Variants in ARHGAP10 observed in about 807,000 individuals in gnomAD.
ARHGAP10 encodes Rho GTPase activating protein 10, also known as rho GTPase-activating protein 10.
Under a neutral mutation model 108.6 loss-of-function variants are expected in ARHGAP10, and 87 were observed. The ratio of observed to expected loss-of-function variants is 0.80; its 90% CI spans 0.67 to 0.96. ARHGAP10 has a LOEUF of 0.96. ARHGAP10 is among the 40% of genes least tolerant of loss of function. The probability of loss-of-function intolerance (pLI) is 0.00; values close to 1 mark genes in which losing one functional copy is unlikely to be tolerated. For synonymous variants in ARHGAP10, 347 were observed against 341.1 expected (o/e 1.02, Z -0.19); for missense variants, 939 against 954.5 (o/e 0.98, Z 0.21).
intron 1 of ARHGAP10, among the ~76,000 whole-genome samples, chr4:147,785,165 A>C: frequency 6.6e-6 from 1 of 150,724 alleles, no homozygotes; most frequent in Non-Finnish European, 1.5e-5. Context: ...TTTCATTAGT[A>C]CTTAACATTG....
At chr4:147,857,411 A>G (rs1734137477) in intron 4 of ARHGAP10, 142 bp from the exon 5 acceptor site, 5 of 782,394 alleles carry the variant, frequency 6.4e-6, no homozygotes, top group Non-Finnish European at 8.9e-6. Flanking sequence ...TGGTACAGAT[A>G]TGTTTTTTTA....
intron 1 of ARHGAP10, among the ~76,000 whole-genome samples, chr4:147,765,145 A>AG (rs776582184): frequency 2.6e-5 from 4 of 152,198 alleles, no homozygotes; most frequent in Admixed American, 1.3e-4. Flanking sequence ...GGGGAAATCT[A>AG]GGAGTCCACG....
intron 15 of ARHGAP10, among the ~76,000 whole-genome samples, chr4:147,952,137 C>T (rs1022275726): frequency 4.6e-5 from 7 of 152,182 alleles, no homozygotes; most frequent in African/African-American, 1.4e-4. Context: ...GATACACCAG[C>T]ATTTTAAAAA....
At chr4:147,963,134 A>G (rs1363142592) in intron 16 of ARHGAP10, among the ~76,000 whole-genome samples, 1 of 152,242 alleles carries the variant, frequency 6.6e-6, no homozygotes, top group East Asian at 1.9e-4. Context: ...TTAGAAGCCA[A>G]CAGTGAGACA....
At chr4:148,042,889 T>C (rs1728694401) in intron 19 of ARHGAP10, among the ~76,000 whole-genome samples, 1 of 152,100 alleles carries the variant, frequency 6.6e-6, no homozygotes, top group African/African-American at 2.4e-5. Context: ...TGTAAGAATA[T>C]GTTGGGGTCT....
At chr4:147,825,310 TG>T (rs925577408) in intron 3 of ARHGAP10, among the ~76,000 whole-genome samples, 7 of 151,612 alleles carry the variant, frequency 4.6e-5, no homozygotes, top group African/African-American at 1.7e-4. Flanking sequence ...ATTAGCTGGG[TG>T]TTGTGGGCAC....
chr4:147,886,669 G>A (rs147057515), intron 10 of ARHGAP10, among the ~76,000 whole-genome samples: 55 of 152,286 alleles, frequency 3.6e-4, no homozygotes, highest in African/African-American at 1.2e-3. Context: ...TCTTTCTAGA[G>A]AAGCAATTTC....
intron 1 of ARHGAP10, among the ~76,000 whole-genome samples, chr4:147,818,256 C>T (rs2126780870): frequency 6.6e-6 from 1 of 151,140 alleles, no homozygotes; most frequent in South Asian, 2.1e-4. Context: ...TAGCGTAGAG[C>T]AGGCGCTCAA....
intron 18 of ARHGAP10, among the ~76,000 whole-genome samples, chr4:147,980,664 A>G (rs971111629): frequency 6.6e-6 from 1 of 152,082 alleles, no homozygotes; most frequent in Non-Finnish European, 1.5e-5. Flanking sequence ...CATCTCGTCC[A>G]GGGCTTTTCT....
intron 20 of ARHGAP10, among the ~76,000 whole-genome samples, chr4:148,061,445 C>T (rs1271138883): frequency 6.6e-6 from 1 of 151,830 alleles, no homozygotes; most frequent in Non-Finnish European, 1.5e-5. Flanking sequence ...AGTAAGACAA[C>T]ATTCAGCGTT....
intron 1 of ARHGAP10, among the ~76,000 whole-genome samples, chr4:147,781,878 G>T (rs985640185): frequency 6.6e-6 from 1 of 151,946 alleles, no homozygotes; most frequent in African/African-American, 2.4e-5. Flanking sequence ...AGTCAGATTT[G>T]TATAATTCTT....
intron 1 of ARHGAP10, among the ~76,000 whole-genome samples, chr4:147,773,351 G>A (rs1286506123): frequency 1.3e-5 from 2 of 152,040 alleles, no homozygotes; most frequent in Admixed American, 6.6e-5. Flanking sequence ...TATGCCTCAC[G>A]GGAAGAGACA....
chr4:147,855,563 C>A (rs1734051597), intron 4 of ARHGAP10, among the ~76,000 whole-genome samples: 1 of 151,992 alleles, frequency 6.6e-6, no homozygotes, highest in Non-Finnish European at 1.5e-5. Flanking sequence ...TTTTTGGTTC[C>A]ATTTCTACAC....
At chr4:147,860,904 A>C (rs1362157814) in intron 5 of ARHGAP10, 1 of 152,258 alleles carries the variant, frequency 6.6e-6, no homozygotes, top group Admixed American at 6.5e-5. Context: ...GGCTGAAGGA[A>C]ATCATTTTGT....
At chr4:147,987,878 G>A (rs1740102522) in intron 18 of ARHGAP10, among the ~76,000 whole-genome samples, 1 of 152,168 alleles carries the variant, frequency 6.6e-6, no homozygotes, top group Admixed American at 6.5e-5. Flanking sequence ...CTAATCCAAG[G>A]CAGTCTTGAG....
intron 7 of ARHGAP10, 70 bp from the exon 8 acceptor site, chr4:147,874,951 A>G: frequency 7.2e-7 from 1 of 1,398,246 alleles, no homozygotes; most frequent in Non-Finnish European, 9.4e-7. Flanking sequence ...TTATGCAGAG[A>G]CTTTAAAATG....
intron 4 of ARHGAP10, among the ~76,000 whole-genome samples, chr4:147,850,234 T>C (rs1054399725): frequency 6.6e-6 from 1 of 152,154 alleles, no homozygotes; most frequent in African/African-American, 2.4e-5. Flanking sequence ...TAAAATGGAT[T>C]AATCAGCGCT....
Position 147,805,892 on chromosome 4 carries a change from T to C in ARHGAP10, c.155-16835T>C, listed in dbSNP as rs544860753. Among the ~76,000 whole-genome samples, 337 of 152,306 alleles carry C rather than the reference T, an allele frequency of 2.2e-3. 1 individual carries two copies. The highest frequency in any genetic ancestry group is 7.7e-3 in the African/African-American group (320 of 41,568). ...TGTGGATAACACGCCTATGAAACTT[T>C]ATGCTAACACAAAGGGCTAATAATC... On this transcript the variant is annotated intron_variant, in intron 1 of 22. Coordinates refer to ENST00000336498, the MANE Select transcript of ARHGAP10 (RefSeq NM_024605.4).
At chr4:147,940,009 AC>A in intron 14 of ARHGAP10, 110 bp downstream of exon 14, 1 of 1,080,880 alleles carries the variant, frequency 9.3e-7, no homozygotes, top group Non-Finnish European at 1.4e-6. Context: ...CCATTCCTCT[AC>A]TTTCTACAGG....
Sources: gnomAD v4.1 joint callset for allele counts (sites outside exome capture counted in the v4.1 genomes callset) on GRCh38, gnomAD v4.1.1 for gene constraint, MANE v1.5 for transcripts, NCBI Gene and HGNC (gene_info 2026-07-23, HGNC 2026-07-21) for gene names.